CCDC3: variants seen among roughly 807,000 people sequenced by gnomAD.
The protein encoded by CCDC3 is coiled-coil domain-containing protein 3.
CCDC3 carries 24 observed loss-of-function variants against 21.4 expected under a neutral mutation model. The ratio of observed to expected loss-of-function variants is 1.12; its 90% CI spans 0.81 to 1.58. The LOEUF (loss-of-function observed/expected upper bound fraction) is 1.58. Among genes scored for constraint, CCDC3 ranks in the 40% most tolerant of loss-of-function variants. The pLI is 0.00. For synonymous variants in CCDC3, 186 were observed against 166.0 expected (o/e 1.12, Z -0.93); for missense variants, 425 against 360.9 (o/e 1.18, Z -1.44).
chr10:12,964,544 G>C (rs58370819), intron 2 of CCDC3, among the ~76,000 whole-genome samples: 2,983 of 152,260 alleles, frequency 0.02, 113 homozygotes, highest in African/African-American at 0.068. Context: ...ACCACGAAGA[G>C]AGAATGCCGA....
chr10:13,046,639 G>A (rs1379788874), intron 5 of CCDC3, among the ~76,000 whole-genome samples: 6 of 151,424 alleles, frequency 4.0e-5, no homozygotes, highest in Non-Finnish European at 7.4e-5. Flanking sequence ...CCTGGGAGGC[G>A]GAGGTTGCAG....
At chr10:12,920,243 A>G (rs921373625) in intron 2 of CCDC3, among the ~76,000 whole-genome samples, 5 of 152,200 alleles carry the variant, frequency 3.3e-5, no homozygotes, top group Non-Finnish European at 7.3e-5. Context: ...GAAACACCTT[A>G]TAAAGCCATC....
intron 2 of CCDC3, among the ~76,000 whole-genome samples, chr10:12,931,611 A>G (rs998014572): frequency 3.3e-5 from 5 of 152,254 alleles, no homozygotes. Flanking sequence ...GGGCTAAATC[A>G]GTGGTGTTCT....
chr10:12,986,630 T>C (rs182191576), intron 2 of CCDC3, among the ~76,000 whole-genome samples: 256 of 152,068 alleles, frequency 1.7e-3, no homozygotes, highest in African/African-American at 2.9e-3. Context: ...AAAAATTAGC[T>C]GGGCGTGGTG....
intron 5 of CCDC3, among the ~76,000 whole-genome samples, chr10:13,030,726 C>A (rs553384759): frequency 6.6e-6 from 1 of 151,994 alleles, no homozygotes; most frequent in South Asian, 2.1e-4. Flanking sequence ...TTTAAACCAA[C>A]AAAGATCAAA....
chr10:12,933,464 T>TA (rs1218212644), intron 2 of CCDC3, among the ~76,000 whole-genome samples: 1 of 151,332 alleles, frequency 6.6e-6, no homozygotes. Context: ...CTTTATTTTT[T>TA]TTTTTTTTGA....
At position 12,973,865 on chromosome 10, in the gene CCDC3, A is replaced by C. The variant is rs11258098; in HGVS notation, c.549+24473T>G. The stretch of plus-strand genomic sequence containing the variant: ...CACAAGTAGTGTGATGTGGTTTTTT[A>C]AAATAAAGCATTTGAGAAGGCATTA... On this transcript the variant is annotated intron_variant, in intron 2 of 2. Coordinates refer to ENST00000378825, the MANE Select transcript of CCDC3 (RefSeq NM_031455.4). Among the ~76,000 whole-genome samples, 31 of 152,324 alleles carry C rather than the reference A, an allele frequency of 2.0e-4. No individual in the cohort carries two copies. In the East Asian group the frequency reaches 5.8e-3, roughly 28 times the overall value.
intron 5 of CCDC3, among the ~76,000 whole-genome samples, chr10:13,021,359 A>G (rs61449013): frequency 0.025 from 3,833 of 152,180 alleles, 142 homozygotes; most frequent in African/African-American, 0.085. Flanking sequence ...CTCCACTTCA[A>G]TCCTCTCTTA....
At chr10:12,899,166 C>G (rs1834056628) in intron 2 of CCDC3, among the ~76,000 whole-genome samples, 1 of 152,012 alleles carries the variant, frequency 6.6e-6, no homozygotes, top group Admixed American at 6.6e-5. Flanking sequence ...CTCTTTGCTC[C>G]CTTTAGCTGG....
chr10:12,924,828 C>T (rs930934624), intron 2 of CCDC3: 5 of 152,098 alleles, frequency 3.3e-5, no homozygotes, highest in Non-Finnish European at 7.3e-5. Flanking sequence ...TATATAAATG[C>T]TTGTGAGAAT....
intron 3 of CCDC3, among the ~76,000 whole-genome samples, chr10:13,084,217 T>C (rs746773963): frequency 1.3e-5 from 2 of 152,258 alleles, no homozygotes; most frequent in Non-Finnish European, 2.9e-5. Context: ...TGTTTCTTCT[T>C]CTGCCTTCGG....
intron 2 of CCDC3, among the ~76,000 whole-genome samples, chr10:12,993,684 C>T (rs1040106807): frequency 1.3e-5 from 2 of 152,176 alleles, no homozygotes; most frequent in Non-Finnish European, 2.9e-5. Context: ...GATGTTCCAA[C>T]GTGCCAAAGA....
intron 2 of CCDC3, among the ~76,000 whole-genome samples, chr10:12,906,306 C>T (rs1834170895): frequency 6.6e-6 from 1 of 152,170 alleles, no homozygotes. Flanking sequence ...AGAGCTGCTT[C>T]CCTGGTGCCA....
intron 5 of CCDC3, among the ~76,000 whole-genome samples, chr10:13,047,391 T>G (rs928327140): frequency 1.3e-5 from 2 of 152,260 alleles, no homozygotes; most frequent in African/African-American, 4.8e-5. Context: ...GCCTGGGCTT[T>G]GTGGATCACA....
chr10:13,040,301 C>T (rs544004017), intron 5 of CCDC3, among the ~76,000 whole-genome samples: 4 of 152,246 alleles, frequency 2.6e-5, no homozygotes, highest in South Asian at 4.2e-4. Context: ...TTTGTGACAC[C>T]GTCCCCTATG....
intron 2 of CCDC3, among the ~76,000 whole-genome samples, chr10:12,913,596 G>A (rs1165126736): frequency 3.3e-5 from 5 of 152,148 alleles, no homozygotes; most frequent in Non-Finnish European, 5.9e-5. Flanking sequence ...TAGCTGCTCT[G>A]GATAGAACTT....
intron 2 of CCDC3, among the ~76,000 whole-genome samples, chr10:12,990,214 G>A (rs1038563467): frequency 2.1e-5 from 3 of 146,012 alleles, no homozygotes; most frequent in Non-Finnish European, 1.5e-5. Context: ...CCAAGATAGC[G>A]CCACTACTGC....
chr10:13,063,875 G>A (rs1588412027), intron 4 of CCDC3, among the ~76,000 whole-genome samples: 1 of 152,124 alleles, frequency 6.6e-6, no homozygotes, highest in South Asian at 2.1e-4. Flanking sequence ...AGAATGGCTG[G>A]AAAACTCATA....
chr10:12,930,550 A>G (rs1349748442), intron 2 of CCDC3, among the ~76,000 whole-genome samples: 1 of 152,206 alleles, frequency 6.6e-6, no homozygotes, highest in Non-Finnish European at 1.5e-5. Context: ...TGCAATTGAC[A>G]ACTGTGCTAG....
Sources: gnomAD v4.1 joint callset for allele counts (sites outside exome capture counted in the v4.1 genomes callset) on GRCh38, gnomAD v4.1.1 for gene constraint, MANE v1.5 for transcripts, NCBI Gene and HGNC (gene_info 2026-07-23, HGNC 2026-07-21) for gene names.